TMEM178B: variants seen among roughly 807,000 people sequenced by gnomAD.
TMEM178B encodes transmembrane protein 178B.
Under a neutral mutation model 31.0 loss-of-function variants are expected in TMEM178B, and 5 were observed. The ratio of observed to expected loss-of-function variants is 0.16; its 90% CI spans 0.08 to 0.34. The LOEUF (loss-of-function observed/expected upper bound fraction) is 0.34. Among genes scored for constraint, TMEM178B ranks in the 10% least tolerant of loss-of-function variants. The pLI, the probability that TMEM178B is intolerant of heterozygous loss-of-function variation, is 1.00. For synonymous variants in TMEM178B, 164 were observed against 164.0 expected, an observed-to-expected ratio of 1.00 and a Z score of 0.00; for missense variants, 275 against 400.3, an observed-to-expected ratio of 0.69 and a Z score of 2.67.
At chr7:141,106,407 G>A (rs1015947149) in intron 1 of TMEM178B, among the ~76,000 whole-genome samples, 3 of 152,178 alleles carry the variant, frequency 2.0e-5, no homozygotes, top group Non-Finnish European at 2.9e-5. Context: ...AACATAAAAT[G>A]CATCTAACTT....
intron 2 of TMEM178B, among the ~76,000 whole-genome samples, chr7:141,276,882 A>C (rs1453432095): frequency 6.6e-6 from 1 of 152,250 alleles, no homozygotes; most frequent in Non-Finnish European, 1.5e-5. Flanking sequence ...ACTGTAACAC[A>C]ATAGTATTCG....
intron 2 of TMEM178B, among the ~76,000 whole-genome samples, chr7:141,250,850 G>T (rs939133179): frequency 6.6e-6 from 1 of 152,136 alleles, no homozygotes; most frequent in Non-Finnish European, 1.5e-5. Flanking sequence ...AGGATCAAAT[G>T]GGTCTAATCA....
chr7:141,102,463 T>G (rs1033106816), intron 1 of TMEM178B, among the ~76,000 whole-genome samples: 2 of 152,174 alleles, frequency 1.3e-5, no homozygotes, highest in African/African-American at 4.8e-5. Flanking sequence ...CAGGGGTTGG[T>G]GTTCAACATG....
At chr7:141,509,523 G>C in the TMEM178B span, among the ~76,000 whole-genome samples, 4 of 151,918 alleles carry the variant, frequency 2.6e-5, no homozygotes, top group African/African-American at 7.2e-5. Context: ...GGTGGCGGGC[G>C]CCTGTAATCC....
At chr7:141,096,197 C>T (rs1166281701) in intron 1 of TMEM178B, among the ~76,000 whole-genome samples, 1 of 152,200 alleles carries the variant, frequency 6.6e-6, no homozygotes, top group Non-Finnish European at 1.5e-5. Flanking sequence ...AATTGCATTG[C>T]AGGTCAAATG....
At chr7:141,160,353 C>T (rs1000357584) in intron 1 of TMEM178B, among the ~76,000 whole-genome samples, 4 of 152,160 alleles carry the variant, frequency 2.6e-5, no homozygotes, top group African/African-American at 4.8e-5. Context: ...ACCAGCTTCA[C>T]TTCTCCTTGA....
intron 3 of TMEM178B, 127 bp downstream of exon 3, chr7:141,437,872 A>G (rs1178999357): frequency 1.5e-6 from 2 of 1,321,202 alleles, no homozygotes; most frequent in East Asian, 2.5e-5. Flanking sequence ...TCACTCATCC[A>G]TTGGTTCACA....
intron 3 of TMEM178B, among the ~76,000 whole-genome samples, chr7:141,469,992 T>A (rs111962612): frequency 1.3e-5 from 2 of 152,344 alleles, no homozygotes; most frequent in African/African-American, 4.8e-5. Context: ...GAGAGAACAC[T>A]TTGGGAAATG....
Position 141,102,972 on chromosome 7 carries a change from C to G in TMEM178B, c.382+28280C>G, listed in dbSNP as rs760937446. ...GGTGGAGCCAGGCCTCTGGAACCAC[C>G]ATCTGGATCTCTCTCCATCACAGGC... is the stretch of plus-strand genomic sequence containing the variant. On this transcript the variant is annotated intron_variant, in intron 1 of 3. Coordinates refer to ENST00000565468, the MANE Select transcript of TMEM178B (RefSeq NM_001195278.2). 5.7e-4 allele frequency among the ~76,000 whole-genome samples: 87 copies of G among 152,144 alleles called. 1 individual carries two copies. Among genetic ancestry groups the G allele is most frequent in the Non-Finnish European group, 1.5e-4 (10 of 68,028 alleles).
chr7:141,452,043 T>G (rs899308461), intron 3 of TMEM178B, among the ~76,000 whole-genome samples: 1 of 152,234 alleles, frequency 6.6e-6, no homozygotes, highest in Non-Finnish European at 1.5e-5. Context: ...CCTTTTTCCT[T>G]TTCTGTTTTC....
At chr7:141,323,802 A>G (rs1224747445) in intron 2 of TMEM178B, among the ~76,000 whole-genome samples, 3 of 152,194 alleles carry the variant, frequency 2.0e-5, no homozygotes, top group Non-Finnish European at 4.4e-5. Context: ...AAGATAAAGT[A>G]TGTTAGGTAG....
At chr7:141,279,699 C>T (rs1335971248) in intron 2 of TMEM178B, among the ~76,000 whole-genome samples, 7 of 152,200 alleles carry the variant, frequency 4.6e-5, no homozygotes, top group Non-Finnish European at 8.8e-5. Flanking sequence ...TCTGCTAGGG[C>T]AGCCCCAAGC....
intron 1 of TMEM178B, among the ~76,000 whole-genome samples, chr7:141,118,375 T>C (rs1372894742): frequency 6.6e-6 from 1 of 152,246 alleles, no homozygotes; most frequent in Non-Finnish European, 1.5e-5. Flanking sequence ...GCATTTGCTA[T>C]GTGACATGAG....
At chr7:141,365,927 A>C (rs1046059438) in intron 2 of TMEM178B, among the ~76,000 whole-genome samples, 1 of 152,202 alleles carries the variant, frequency 6.6e-6, no homozygotes, top group Non-Finnish European at 1.5e-5. Flanking sequence ...GATACAATTC[A>C]CCCTGCAACA....
intron 3 of TMEM178B, among the ~76,000 whole-genome samples, chr7:141,452,764 C>T (rs1370297985): frequency 1.3e-5 from 2 of 152,186 alleles, no homozygotes; most frequent in Non-Finnish European, 2.9e-5. Flanking sequence ...AGAGTAGGCA[C>T]TCTATAAATG....
intron 1 of TMEM178B, among the ~76,000 whole-genome samples, chr7:141,137,549 G>T (rs909000799): frequency 7.9e-5 from 12 of 152,206 alleles, no homozygotes; most frequent in Non-Finnish European, 1.5e-5. Context: ...ATTTACCAGA[G>T]ACTGGGAAGG....
At chr7:141,381,867 A>G (rs17491402) in intron 2 of TMEM178B, among the ~76,000 whole-genome samples, 18,318 of 152,230 alleles carry the variant, frequency 0.12, 1,350 homozygotes, top group Non-Finnish European at 0.17. Flanking sequence ...CCCATTTTTA[A>G]TACAGAGAGT....
chr7:141,327,488 C>T (rs1799213674), intron 2 of TMEM178B, among the ~76,000 whole-genome samples: 1 of 152,128 alleles, frequency 6.6e-6, no homozygotes. Context: ...ATTATTATCA[C>T]TCAAAGTCTA....
intron 3 of TMEM178B, among the ~76,000 whole-genome samples, chr7:141,467,816 A>C (rs1234006477): frequency 6.6e-6 from 1 of 151,568 alleles, no homozygotes; most frequent in Non-Finnish European, 1.5e-5. Context: ...ATTTGTCCCC[A>C]GGTGGGATTA....
Sources: gnomAD v4.1 joint callset for allele counts (sites outside exome capture counted in the v4.1 genomes callset) on GRCh38, gnomAD v4.1.1 for gene constraint, MANE v1.5 for transcripts, NCBI Gene and HGNC (gene_info 2026-07-23, HGNC 2026-07-21) for gene names.